PPM1L: variants seen among roughly 807,000 people sequenced by gnomAD.
The protein encoded by PPM1L is protein phosphatase 1L.
In PPM1L, 13 loss-of-function variants were observed where a neutral mutation model predicts 31.4. The ratio of observed to expected loss-of-function variants is 0.41; its 90% confidence interval spans 0.27 to 0.66. The LOEUF is 0.66. Ranked by LOEUF, PPM1L falls within the 30% of genes least tolerant of loss-of-function variation. The pLI, the probability that PPM1L is intolerant of heterozygous loss-of-function variation, is 0.29. For synonymous variants in PPM1L, 184 were observed against 175.4 expected, an observed-to-expected ratio of 1.05 and a Z score of -0.39; for missense variants, 326 against 453.7, an observed-to-expected ratio of 0.72 and a Z score of 2.56.
At chr3:161,018,314 C>T (rs1718141995) in intron 2 of PPM1L, among the ~76,000 whole-genome samples, 1 of 152,006 alleles carries the variant, frequency 6.6e-6, no homozygotes, top group Admixed American at 6.6e-5. Flanking sequence ...AATAAATTGG[C>T]CCTAAATAAG....
At chr3:160,867,142 TTA>T (rs1560131921) in intron 1 of PPM1L, among the ~76,000 whole-genome samples, 5 of 152,168 alleles carry the variant, frequency 3.3e-5, no homozygotes, top group African/African-American at 1.2e-4. Context: ...TCAATTTATC[TTA>T]CAACTTTTAA....
chr3:160,873,598 A>C (rs1452549365), intron 1 of PPM1L, among the ~76,000 whole-genome samples: 1 of 152,044 alleles, frequency 6.6e-6, no homozygotes, highest in Non-Finnish European at 1.5e-5. Context: ...CCCAGGTTAG[A>C]GTGCAGTGGT....
chr3:160,986,429 C>A (rs902399933), intron 2 of PPM1L, among the ~76,000 whole-genome samples: 1 of 151,986 alleles, frequency 6.6e-6, no homozygotes, highest in Non-Finnish European at 1.5e-5. Flanking sequence ...TTAGAGAACC[C>A]TCTTTAGGAA....
In PPM1L at chr3:161,076,072, C is replaced by G. The variant is rs1479796044; in HGVS notation, c.*6915C>G. On this transcript the variant is annotated 3_prime_UTR_variant, in exon 4 of 4. Coordinates refer to ENST00000498165, the MANE Select transcript of PPM1L (RefSeq NM_139245.4). ...TTTACGACAGACAATTTCACAAAAA[C>G]CAACCACAGAGTGATTTGATATTCT... 6.6e-6 allele frequency: 1 copy of G among 152,140 alleles called. No homozygotes were observed. The highest frequency in any genetic ancestry group is 1.5e-5 in the Non-Finnish European group (1 of 68,032). 9.4% of individuals were successfully genotyped at this position (152,140 alleles called of 1,614,324 possible).
chr3:160,877,363 A>G (rs913170814), intron 1 of PPM1L, among the ~76,000 whole-genome samples: 8 of 152,182 alleles, frequency 5.3e-5, no homozygotes, highest in Non-Finnish European at 1.0e-4. Context: ...AGATGTGTGC[A>G]ATTTATTTCA....
At chr3:160,763,602 C>A (rs890478511) in intron 1 of PPM1L, among the ~76,000 whole-genome samples, 7 of 152,184 alleles carry the variant, frequency 4.6e-5, no homozygotes, top group African/African-American at 1.7e-4. Context: ...GCTGCTGGAA[C>A]TATTAGCACT....
intron 1 of PPM1L, among the ~76,000 whole-genome samples, chr3:160,808,955 A>G (rs1712725671): frequency 3.3e-5 from 5 of 151,928 alleles, no homozygotes; most frequent in Admixed American, 3.3e-4. Flanking sequence ...CCCCCATATG[A>G]TCTGGGAACT....
At position 160,955,038 on chromosome 3, in the gene PPM1L, G is replaced by A. The variant is rs1404633004; in HGVS notation, c.400-6698G>A. 3.5e-5 allele frequency among the ~76,000 whole-genome samples: 5 copies of A among 142,604 alleles called. No homozygotes were observed. In the Admixed American group the frequency reaches 3.6e-4, roughly 10 times the overall value. 93.6% of individuals were successfully genotyped at this position (142,604 alleles called of 152,430 possible). Reference sequence around the variant, plus strand: ...CTCTCTTTCTTCTTTTTTTGACAGAGTATCACTCTGTCATCAGGCTGGAGT... The same window carrying A: ...CTCTCTTTCTTCTTTTTTTGACAGAATATCACTCTGTCATCAGGCTGGAGT... On this transcript the variant is annotated intron_variant, in intron 1 of 3. Coordinates refer to ENST00000498165, the MANE Select transcript of PPM1L (RefSeq NM_139245.4).
At chr3:161,038,005 G>A (rs1214474958) in intron 2 of PPM1L, among the ~76,000 whole-genome samples, 2 of 151,652 alleles carry the variant, frequency 1.3e-5, no homozygotes, top group Non-Finnish European at 2.9e-5. Context: ...AGGCCGAGGC[G>A]GGCGGATCAC....
intron 1 of PPM1L, among the ~76,000 whole-genome samples, chr3:160,835,408 A>G (rs1433309789): frequency 1.3e-5 from 2 of 151,958 alleles, no homozygotes; most frequent in African/African-American, 4.8e-5. Context: ...TTAAGCTATA[A>G]AGTATTTTTA....
chr3:160,756,581 C>T lies in PPM1L; in HGVS notation c.273C>T (p.His91=). Residue 91 remains histidine (H), a synonymous_variant, in exon 1 of 4, where the codon CAC becomes CAT. Transcript: ENST00000498165. This position sits in a 1 kb window ranked among gnomAD's most constrained non-coding sequence, Gnocchi z 6.2. The part of the protein sequence containing the change: ...EFSKTWEFKN[H]NVAVYSIQGR... The stretch of plus-strand genomic sequence containing the variant: ...CCAAGACCTGGGAGTTCAAGAACCA[C>T]AACGTGGCGGTGTACTCCATCCAGG... 6.2e-7 allele frequency: 1 copy of T among 1,614,144 alleles called. No individual in the cohort carries two copies. Among genetic ancestry groups the T allele is most frequent in the Non-Finnish European group, 8.5e-7 (1 of 1,180,034 alleles).
At chr3:160,928,855 C>T (rs1470076075) in intron 1 of PPM1L, among the ~76,000 whole-genome samples, 1 of 152,064 alleles carries the variant, frequency 6.6e-6, no homozygotes, top group Non-Finnish European at 1.5e-5. Flanking sequence ...TCCCAGTTTC[C>T]AGAACTATGA....
At chr3:160,973,819 ATTT>A (rs570097098) in intron 2 of PPM1L, among the ~76,000 whole-genome samples, 1,545 of 68,832 alleles carry the variant, frequency 0.022, 34 homozygotes, top group African/African-American at 0.07. Flanking sequence ...TTATTTTTTT[ATTT>A]TTTTTTGAGA....
intron 2 of PPM1L, among the ~76,000 whole-genome samples, chr3:161,016,366 A>G (rs1025359259): frequency 2.6e-5 from 4 of 152,230 alleles, no homozygotes; most frequent in Non-Finnish European, 5.9e-5. Context: ...AGTCTTGTGA[A>G]TGAAACAGAT....
At chr3:161,041,404 G>A (rs1442136106) in intron 2 of PPM1L, among the ~76,000 whole-genome samples, 3 of 152,218 alleles carry the variant, frequency 2.0e-5, no homozygotes, top group Non-Finnish European at 4.4e-5. Flanking sequence ...CCTGAGGGCT[G>A]TGTCATGGTC....
In PPM1L at chr3:161,074,154, T is replaced by C. The variant is rs1324766685; in HGVS notation, c.*4997T>C. On this transcript the variant is annotated 3_prime_UTR_variant, in exon 4 of 4. Coordinates refer to ENST00000498165, the MANE Select transcript of PPM1L (RefSeq NM_139245.4). Reference sequence around the variant, plus strand: ...GTAAACTATTAACAGTTATTTACTTTCTTTCCTTTATTGTCCTCTCTGGAT... The same window carrying C: ...GTAAACTATTAACAGTTATTTACTTCCTTTCCTTTATTGTCCTCTCTGGAT... 1 of 152,250 alleles carries C rather than the reference T, an allele frequency of 6.6e-6. No individual in the cohort carries two copies. The highest frequency in any genetic ancestry group is 1.5e-5 in the Non-Finnish European group (1 of 68,042). The allele number at this position is 152,250 out of a possible 1,614,324, so 9.4% of individuals were successfully genotyped here.
chr3:160,995,417 T>C (rs1428227025), intron 2 of PPM1L, among the ~76,000 whole-genome samples: 1 of 151,820 alleles, frequency 6.6e-6, no homozygotes, highest in African/African-American at 2.4e-5. Context: ...ACCTCCCGGG[T>C]TCAAGTGATT....
intron 1 of PPM1L, among the ~76,000 whole-genome samples, chr3:160,903,663 A>T (rs546198374): frequency 1.9e-4 from 29 of 152,090 alleles, no homozygotes; most frequent in Non-Finnish European, 2.4e-4. Flanking sequence ...ATTTTATTCC[A>T]TAAACATCTC....
chr3:161,074,881 C>T lies in PPM1L; in HGVS notation c.*5724C>T, dbSNP rs1720052006. ...CCAAAAAGCAAGCATGCAGCAAAGG[C>T]ATAGACTGTATTTAGAGATGTGGTT... On this transcript the variant is annotated 3_prime_UTR_variant, in exon 4 of 4. Coordinates refer to ENST00000498165, the MANE Select transcript of PPM1L (RefSeq NM_139245.4). The T allele has an allele frequency of 6.6e-6, 1 of 152,182 alleles. No individual in the cohort carries two copies. The highest frequency in any genetic ancestry group is 1.5e-5 in the Non-Finnish European group (1 of 68,038). 9.4% of individuals were successfully genotyped at this position (152,182 alleles called of 1,614,324 possible).
Sources: gnomAD v4.1 joint callset for allele counts (sites outside exome capture counted in the v4.1 genomes callset) on GRCh38, gnomAD v4.1.1 for gene constraint, Gnocchi (gnomAD v3.1) non-coding constraint, MANE v1.5 for transcripts, NCBI Gene and HGNC (gene_info 2026-07-23, HGNC 2026-07-21) for gene names.